Variants in EPHA5 observed in about 807,000 individuals in gnomAD.
EPHA5 encodes the protein EPH receptor A5, also known as ephrin type-A receptor 5.
Under a neutral mutation model 105.0 loss-of-function variants are expected in EPHA5, and 60 were observed. The observed-to-expected ratio is 0.57, with a 90% confidence interval of 0.46 to 0.71. The LOEUF (loss-of-function observed/expected upper bound fraction) is 0.71, where lower values mean the gene tolerates loss of function less well. Ranked by LOEUF, EPHA5 falls within the 30% of genes least tolerant of loss-of-function variation. The pLI, the probability that EPHA5 is intolerant of heterozygous loss-of-function variation, is 0.00. For synonymous variants in EPHA5, 513 were observed against 449.1 expected (o/e 1.14, Z -1.80); for missense variants, 1,218 against 1,274.7 (o/e 0.96, Z 0.68).
Position 65,552,778 on chromosome 4 carries a change from G to T in EPHA5, c.910+48863C>A, listed in dbSNP as rs193257057. The stretch of plus-strand genomic sequence containing the variant: ...TTCCTTTCTAATTATATTTCTAGGT[G>T]TGTTAAATTGTAAAGCACAAAGCCC... On this transcript the variant is annotated intron_variant, in intron 3 of 16. Coordinates refer to ENST00000613740, the MANE Select transcript of EPHA5 (RefSeq NM_001281766.3). Among the ~76,000 whole-genome samples, 693 of 152,148 alleles carry T rather than the reference G, an allele frequency of 4.6e-3. 4 individuals are homozygous for T. The highest frequency in any genetic ancestry group is 0.027 in the Middle Eastern group (8 of 294).
chr4:65,574,683 TATATAC>T (rs1485183115), intron 3 of EPHA5, among the ~76,000 whole-genome samples: 5 of 69,158 alleles, frequency 7.2e-5, no homozygotes, highest in African/African-American at 2.3e-4. Context: ...TATATACATA[TATATAC>T]ATATATATAC....
intron 2 of EPHA5, among the ~76,000 whole-genome samples, chr4:65,620,473 A>T (rs1219919698): frequency 6.6e-6 from 1 of 152,206 alleles, no homozygotes. Flanking sequence ...TGGCAATTTT[A>T]AAATTAAATG....
At chr4:65,513,163 C>A (rs186088957) in intron 3 of EPHA5, among the ~76,000 whole-genome samples, 3 of 152,204 alleles carry the variant, frequency 2.0e-5, no homozygotes, top group African/African-American at 4.8e-5. Context: ...CATTTTAGGA[C>A]CTTAAAGTAA....
intron 2 of EPHA5, among the ~76,000 whole-genome samples, chr4:65,611,922 C>CA (rs1744795483): frequency 6.8e-6 from 1 of 146,576 alleles, no homozygotes; most frequent in Non-Finnish European, 1.5e-5. Context: ...TGAGGCTATC[C>CA]AGGAGGATGG....
At chr4:65,493,365 T>C (rs574212545) in intron 4 of EPHA5, among the ~76,000 whole-genome samples, 78 of 151,954 alleles carry the variant, frequency 5.1e-4, no homozygotes, top group Middle Eastern at 3.4e-3. Flanking sequence ...AAAATGTTGT[T>C]ATATAGATTT....
chr4:65,564,556 C>A (rs1739337523), intron 3 of EPHA5, among the ~76,000 whole-genome samples: 1 of 151,644 alleles, frequency 6.6e-6, no homozygotes, highest in South Asian at 2.1e-4. Context: ...TGCGTGTTAA[C>A]CGAGCTCAGT....
In EPHA5 at chr4:65,377,052, C is replaced by T. The variant is rs751978999; in HGVS notation, c.1794-9628G>A. On this transcript the variant is annotated intron_variant, in intron 8 of 16. Coordinates refer to ENST00000613740, the MANE Select transcript of EPHA5 (RefSeq NM_001281766.3). ...CAGGGAAGAAGCCCTCCCACAGCCACATTCGCAGCAACTGAAAAGCAAACA... is the reference window on the plus strand; with the variant it reads ...CAGGGAAGAAGCCCTCCCACAGCCATATTCGCAGCAACTGAAAAGCAAACA... 5.6e-6 allele frequency: 9 copies of T among 1,609,000 alleles called. No homozygotes were observed. The East Asian group carries it at 1.6e-4, about 28-fold the overall frequency.
At chr4:65,325,518 A>T (rs10517932) in intron 16 of EPHA5, among the ~76,000 whole-genome samples, 12,586 of 151,472 alleles carry the variant, frequency 0.083, 596 homozygotes, top group Middle Eastern at 0.14. Flanking sequence ...GTTTTTTAGA[A>T]TGTGAATATT....
chr4:65,440,302 A>G (rs763470379), intron 5 of EPHA5, among the ~76,000 whole-genome samples: 9 of 152,054 alleles, frequency 5.9e-5, no homozygotes, highest in Non-Finnish European at 4.4e-5. Context: ...AGTTTCTTCA[A>G]TAAATATATA....
intron 2 of EPHA5, among the ~76,000 whole-genome samples, chr4:65,624,421 G>A (rs185825762): frequency 3.0e-4 from 46 of 152,224 alleles, no homozygotes; most frequent in Non-Finnish European, 5.3e-4. Flanking sequence ...ATGGATGTGC[G>A]ACATGCTGCC....
intron 16 of EPHA5, chr4:65,330,729 A>C: frequency 1.0e-6 from 1 of 982,886 alleles, no homozygotes; most frequent in Non-Finnish European, 1.2e-6. Flanking sequence ...AATTATCAGT[A>C]AATTTTTCAG....
intron 8 of EPHA5, among the ~76,000 whole-genome samples, chr4:65,399,094 A>G (rs1044692463): frequency 6.6e-6 from 1 of 152,206 alleles, no homozygotes; most frequent in Non-Finnish European, 1.5e-5. Flanking sequence ...GGGTGCTCCG[A>G]GTCAGGAATG....
chr4:65,460,215 G>T (rs556312654), intron 5 of EPHA5, among the ~76,000 whole-genome samples: 11 of 151,444 alleles, frequency 7.3e-5, no homozygotes, highest in African/African-American at 2.7e-4. Context: ...ATAGGGAACA[G>T]AATTATGTTA....
chr4:65,659,781 AC>A, intron 1 of EPHA5, among the ~76,000 whole-genome samples: 1 of 152,272 alleles, frequency 6.6e-6, no homozygotes. Context: ...AATTTATTTT[AC>A]CTGTTTATGC....
At chr4:65,534,157 T>C (rs900953265) in intron 3 of EPHA5, among the ~76,000 whole-genome samples, 4 of 152,210 alleles carry the variant, frequency 2.6e-5, no homozygotes, top group Non-Finnish European at 5.9e-5. Flanking sequence ...CTGTGGATCA[T>C]ACTTTTCAAG....
chr4:65,486,833 C>A (rs1163512218), intron 5 of EPHA5, among the ~76,000 whole-genome samples: 2 of 152,192 alleles, frequency 1.3e-5, no homozygotes, highest in Non-Finnish European at 2.9e-5. Context: ...TGTCCCTTCC[C>A]AAATCTCATG....
chr4:65,519,424 C>T (rs1452539171), intron 3 of EPHA5, among the ~76,000 whole-genome samples: 2 of 151,988 alleles, frequency 1.3e-5, no homozygotes, highest in Admixed American at 1.3e-4. Context: ...CAATATCATA[C>T]TGAAAGGGCA....
intron 16 of EPHA5, among the ~76,000 whole-genome samples, chr4:65,327,429 C>T (rs1348230736): frequency 6.6e-6 from 1 of 151,218 alleles, no homozygotes; most frequent in South Asian, 2.1e-4. Flanking sequence ...TCATCCTAAA[C>T]CCATCTCCCC....
At chr4:65,409,259 G>A (rs1354826949) in intron 7 of EPHA5, among the ~76,000 whole-genome samples, 76 of 127,958 alleles carry the variant, frequency 5.9e-4, no homozygotes, top group Non-Finnish European at 9.5e-4. Context: ...GTTAGTGGGT[G>A]CAGCGCACCA....
Sources: allele counts gnomAD v4.1 joint callset (sites outside exome capture counted in the v4.1 genomes callset), GRCh38; gene constraint gnomAD v4.1.1; transcripts MANE v1.5; gene names NCBI Gene and HGNC (gene_info 2026-07-23, HGNC 2026-07-21).